The following PTPRG variants were observed in gnomAD, a reference collection of about 807,000 sequenced individuals.
The protein encoded by PTPRG is receptor-type tyrosine-protein phosphatase gamma.
PTPRG carries 102 observed loss-of-function variants against 165.3 expected under a neutral mutation model. The observed-to-expected ratio is 0.62, with a 90% CI of 0.53 to 0.73. PTPRG has a LOEUF of 0.73. Ranked by LOEUF, PTPRG falls within the 30% of genes least tolerant of loss-of-function variation. The pLI is 0.00. For missense variants in PTPRG, 1,866 were observed against 1,861.4 expected, an observed-to-expected ratio of 1.00 and a Z score of -0.05; for synonymous variants, 675 against 669.5, an observed-to-expected ratio of 1.01 and a Z score of -0.13.
intron 1 of PTPRG, among the ~76,000 whole-genome samples, chr3:61,706,376 ATT>A (rs61392463): frequency 1.4e-5 from 2 of 147,320 alleles, no homozygotes; most frequent in African/African-American, 4.9e-5. Context: ...AGGAAGCTGT[ATT>A]TTTTTTTTTA....
intron 2 of PTPRG, among the ~76,000 whole-genome samples, chr3:61,833,854 C>T (rs371524147): frequency 4.6e-5 from 7 of 152,246 alleles, no homozygotes; most frequent in African/African-American, 1.4e-4. Context: ...CGTGAGCCAC[C>T]GCGCCCAGCC....
At chr3:61,702,828 CTT>C (rs2031046974) in intron 1 of PTPRG, among the ~76,000 whole-genome samples, 3 of 152,330 alleles carry the variant, frequency 2.0e-5, no homozygotes, top group Non-Finnish European at 4.4e-5. Context: ...GGTACTTACT[CTT>C]TAGTTATTGA....
chr3:61,651,262 T>G (rs1702346488), intron 1 of PTPRG, among the ~76,000 whole-genome samples: 1 of 152,190 alleles, frequency 6.6e-6, no homozygotes, highest in Non-Finnish European at 1.5e-5. Context: ...GTTGATTAAG[T>G]TCTTGTGTAT....
intron 1 of PTPRG, among the ~76,000 whole-genome samples, chr3:61,675,134 A>G (rs1214141478): frequency 2.0e-5 from 3 of 152,222 alleles, no homozygotes; most frequent in Non-Finnish European, 4.4e-5. Flanking sequence ...TTTCTTTTCT[A>G]GTAAAAATTG....
chr3:62,289,693 C>T (rs1702805074), intron 28 of PTPRG, among the ~76,000 whole-genome samples: 1 of 120,686 alleles, frequency 8.3e-6, no homozygotes, highest in East Asian at 2.6e-4. Context: ...AACACCCATT[C>T]ATGATCCCCC....
At chr3:61,608,053 G>T (rs1701062724) in intron 1 of PTPRG, among the ~76,000 whole-genome samples, 2 of 152,088 alleles carry the variant, frequency 1.3e-5, no homozygotes, top group South Asian at 4.1e-4. Flanking sequence ...CATGAGGGCT[G>T]AAATAATTGT....
At chr3:62,292,319 C>CTT in intron 28 of PTPRG, 102 bp from the exon 29 acceptor site, 1 of 1,279,246 alleles carries the variant, frequency 7.8e-7, no homozygotes, top group Non-Finnish European at 1.1e-6. Context: ...AATGTCAAAA[C>CTT]AGTCTACTTA....
intron 2 of PTPRG, among the ~76,000 whole-genome samples, chr3:61,973,227 C>A (rs2107663229): frequency 6.6e-6 from 1 of 152,260 alleles, no homozygotes; most frequent in South Asian, 2.1e-4. Flanking sequence ...GTTTTACCTG[C>A]AAGGAAAGGA....
intron 28 of PTPRG, among the ~76,000 whole-genome samples, chr3:62,283,156 T>C (rs1438605958): frequency 2.0e-5 from 3 of 152,150 alleles, no homozygotes; most frequent in African/African-American, 7.2e-5. Context: ...TTTAGAGGTG[T>C]TATGTGTTAG....
intron 12 of PTPRG, among the ~76,000 whole-genome samples, chr3:62,218,571 C>G (rs1700569249): frequency 6.6e-6 from 1 of 152,164 alleles, no homozygotes; most frequent in South Asian, 2.1e-4. Flanking sequence ...GCTGGAATGT[C>G]TATGTCTTCT....
intron 2 of PTPRG, among the ~76,000 whole-genome samples, chr3:61,886,031 C>A (rs2038027497): frequency 1.3e-5 from 2 of 151,808 alleles, no homozygotes; most frequent in African/African-American, 4.8e-5. Context: ...ACCCTGGACA[C>A]TGACCCAGGA....
chr3:62,271,346 C>G lies in PTPRG; in HGVS notation c.3010-37C>G, dbSNP rs754391426. On this transcript the variant is annotated intron_variant, in intron 20 of 29. Coordinates refer to ENST00000474889, the MANE Select transcript of PTPRG (RefSeq NM_002841.4). The surrounding 1 kb of genome is among the most constrained non-coding windows in gnomAD (Gnocchi z 4.1). ...TTATTTTTTTCCAGAATGTCCACCC[C>G]CCCGCTTAAAGACATCTTTTTTCAC... is the stretch of plus-strand genomic sequence containing the variant. The G allele has an allele frequency of 3.3e-6, 5 of 1,531,466 alleles. No homozygotes were observed. Among genetic ancestry groups the G allele is most frequent in the Non-Finnish European group, 3.5e-6 (4 of 1,127,152 alleles). The allele number at this position is 1,531,466 out of a possible 1,614,324, so 94.9% of individuals were successfully genotyped here.
chr3:61,944,243 A>G (rs1263557239), intron 2 of PTPRG, among the ~76,000 whole-genome samples: 2 of 152,142 alleles, frequency 1.3e-5, no homozygotes, highest in Non-Finnish European at 2.9e-5. Context: ...CCAGATGTTC[A>G]TTGGTGTGCA....
chr3:61,677,656 A>T (rs1703278608), intron 1 of PTPRG, among the ~76,000 whole-genome samples: 1 of 152,218 alleles, frequency 6.6e-6, no homozygotes, highest in Admixed American at 6.5e-5. Context: ...TCTGTGCTGC[A>T]ATAGCTAAAT....
At chr3:61,839,415 A>T (rs751167499) in intron 2 of PTPRG, among the ~76,000 whole-genome samples, 8 of 152,208 alleles carry the variant, frequency 5.3e-5, no homozygotes, top group Non-Finnish European at 8.8e-5. Context: ...GAAGCCCCAG[A>T]TCAACAAGGA....
chr3:61,596,627 A>G (rs958735794), intron 1 of PTPRG, among the ~76,000 whole-genome samples: 1 of 152,132 alleles, frequency 6.6e-6, no homozygotes, highest in Non-Finnish European at 1.5e-5. Flanking sequence ...AAAGTCCGAG[A>G]CCCATTCAGA....
intron 5 of PTPRG, among the ~76,000 whole-genome samples, chr3:62,111,923 A>G (rs1386942873): frequency 6.6e-6 from 1 of 152,176 alleles, no homozygotes; most frequent in Non-Finnish European, 1.5e-5. Flanking sequence ...TGTAGGACTT[A>G]AAAAATTTTG....
intron 28 of PTPRG, among the ~76,000 whole-genome samples, chr3:62,291,945 TTGTC>T (rs1395855749): frequency 1.3e-5 from 2 of 152,200 alleles, no homozygotes; most frequent in African/African-American, 4.8e-5. Flanking sequence ...ATTTTGGAAA[TTGTC>T]TGTTTTGAGC....
At chr3:61,838,527 G>C (rs1460935533) in intron 2 of PTPRG, among the ~76,000 whole-genome samples, 1 of 152,128 alleles carries the variant, frequency 6.6e-6, no homozygotes, top group Non-Finnish European at 1.5e-5. Context: ...TTAAAATCAG[G>C]CTTTTCCTTT....
Sources: allele counts gnomAD v4.1 joint callset (sites outside exome capture counted in the v4.1 genomes callset), GRCh38; gene constraint gnomAD v4.1.1; non-coding constraint Gnocchi (gnomAD v3.1); transcripts MANE v1.5; gene names NCBI Gene and HGNC (gene_info 2026-07-23, HGNC 2026-07-21).